The following CADM2 variants were observed in gnomAD, a reference collection of about 807,000 sequenced individuals.
CADM2 encodes immunoglobulin superfamily member 4D.
In CADM2, 12 loss-of-function variants were observed where a neutral mutation model predicts 49.8. The observed-to-expected ratio is 0.24, with a 90% CI of 0.15 to 0.39. The LOEUF (loss-of-function observed/expected upper bound fraction) is 0.39, where lower values mean the gene tolerates loss of function less well. Among genes scored for constraint, CADM2 ranks in the 10% least tolerant of loss-of-function variants. CADM2 has a pLI of 1.00. For synonymous variants in CADM2, 214 were observed against 175.4 expected (o/e 1.22, Z -1.74); for missense variants, 378 against 492.3 (o/e 0.77, Z 2.20).
intron 1 of CADM2, among the ~76,000 whole-genome samples, chr3:85,715,431 A>T (rs2107749323): frequency 6.6e-6 from 1 of 152,376 alleles, no homozygotes; most frequent in African/African-American, 2.4e-5. Flanking sequence ...TAATTAGAAC[A>T]AAACATTAGA....
intron 1 of CADM2, among the ~76,000 whole-genome samples, chr3:85,217,771 A>G (rs866037380): frequency 1.3e-5 from 2 of 152,112 alleles, no homozygotes; most frequent in South Asian, 2.1e-4. Flanking sequence ...ACCCCATAAG[A>G]AACTGGGTTT....
At chr3:85,763,248 G>A (rs1485680934) in intron 2 of CADM2, among the ~76,000 whole-genome samples, 3 of 152,060 alleles carry the variant, frequency 2.0e-5, no homozygotes, top group Non-Finnish European at 2.9e-5. Context: ...GGGCAGGAAG[G>A]GATTCCAACT....
At chr3:85,703,661 A>G (rs1186082068) in intron 1 of CADM2, among the ~76,000 whole-genome samples, 1 of 152,198 alleles carries the variant, frequency 6.6e-6, no homozygotes, top group Non-Finnish European at 1.5e-5. Context: ...CATAAAACCT[A>G]GTTACCAGGT....
At chr3:85,636,268 C>A (rs1167941430) in intron 1 of CADM2, among the ~76,000 whole-genome samples, 4 of 152,040 alleles carry the variant, frequency 2.6e-5, no homozygotes, top group African/African-American at 9.7e-5. Context: ...CACTGATGAT[C>A]CTGACCCTGT....
At chr3:85,667,620 GTC>G (rs1403459388) in intron 1 of CADM2, among the ~76,000 whole-genome samples, 5 of 151,974 alleles carry the variant, frequency 3.3e-5, no homozygotes, top group Non-Finnish European at 7.4e-5. Context: ...AAATCCAGAT[GTC>G]TCTCTGAATT....
At chr3:85,678,975 C>T (rs769858209) in intron 1 of CADM2, among the ~76,000 whole-genome samples, 2 of 152,062 alleles carry the variant, frequency 1.3e-5, no homozygotes, top group Non-Finnish European at 2.9e-5. Flanking sequence ...TCTGGCAATA[C>T]ATGTCAAGAG....
At chr3:86,047,908 A>G (rs1292552881) in intron 8 of CADM2, among the ~76,000 whole-genome samples, 1 of 152,148 alleles carries the variant, frequency 6.6e-6, no homozygotes, top group African/African-American at 2.4e-5. Context: ...GAAGAGGAAG[A>G]TATCGCAAAG....
At chr3:86,052,874 A>C (rs1250886677) in intron 8 of CADM2, among the ~76,000 whole-genome samples, 1 of 152,124 alleles carries the variant, frequency 6.6e-6, no homozygotes. Flanking sequence ...CTTTTTGGAA[A>C]ACTAAAGTGT....
intron 3 of CADM2, among the ~76,000 whole-genome samples, chr3:85,846,041 A>C (rs1389838558): frequency 6.6e-6 from 1 of 152,094 alleles, no homozygotes; most frequent in Non-Finnish European, 1.5e-5. Context: ...TAAAAGAAAG[A>C]AAGCACAGGC....
intron 1 of CADM2, among the ~76,000 whole-genome samples, chr3:85,276,812 A>G (rs1241882393): frequency 6.6e-6 from 1 of 151,280 alleles, no homozygotes; most frequent in African/African-American, 2.4e-5. Flanking sequence ...ATGCCCAGGG[A>G]TATTGGACAG....
chr3:85,992,004 T>A (rs1023403231), intron 8 of CADM2, among the ~76,000 whole-genome samples: 1 of 151,908 alleles, frequency 6.6e-6, no homozygotes, highest in Non-Finnish European at 1.5e-5. Context: ...CTAAACATAT[T>A]CAAGATTAGG....
At chr3:86,037,228 C>T (rs12491890) in intron 8 of CADM2, among the ~76,000 whole-genome samples, 8,770 of 152,202 alleles carry the variant, frequency 0.058, 358 homozygotes, top group Middle Eastern at 0.13. Flanking sequence ...AAATCACCTC[C>T]TTGCCCCCAT....
chr3:85,112,262 G>T (rs2107572083), intron 1 of CADM2, among the ~76,000 whole-genome samples: 1 of 151,730 alleles, frequency 6.6e-6, no homozygotes, highest in East Asian at 1.9e-4. Flanking sequence ...TAAACATGCT[G>T]CCCAGTATGT....
At chr3:85,192,102 T>TAA (rs547301494) in intron 1 of CADM2, among the ~76,000 whole-genome samples, 2 of 147,316 alleles carry the variant, frequency 1.4e-5, no homozygotes, top group South Asian at 4.3e-4. Flanking sequence ...TCATTCATAG[T>TAA]AAAAAAAAAA....
At chr3:85,155,812 T>C (rs927296634) in intron 1 of CADM2, among the ~76,000 whole-genome samples, 2 of 152,042 alleles carry the variant, frequency 1.3e-5, no homozygotes, top group Non-Finnish European at 2.9e-5. Context: ...AACTACATGG[T>C]AATTGAACAA....
intron 1 of CADM2, among the ~76,000 whole-genome samples, chr3:85,324,875 T>A (rs766556910): frequency 2.6e-5 from 4 of 152,178 alleles, no homozygotes; most frequent in Non-Finnish European, 5.9e-5. Context: ...AGCTGCAGTG[T>A]CATAGTCTCA....
chr3:85,341,629 G>A lies in CADM2; in HGVS notation c.61+381961G>A, dbSNP rs1404392875. Among the ~76,000 whole-genome samples the A allele has an allele frequency of 3.3e-5, 5 of 151,982 alleles. No homozygotes were observed. The South Asian group carries it at 1.0e-3, about 32-fold the overall frequency. ...TTAAAAATGAACTAGAGTGCAGCAA[G>A]CCACCATGGCACAGGTATACCTATG... is the stretch of plus-strand genomic sequence containing the variant. On this transcript the variant is annotated intron_variant, in intron 1 of 9. Transcript: ENST00000383699.
intron 1 of CADM2, chr3:85,511,935 G>T: frequency 1.2e-6 from 1 of 867,960 alleles, no homozygotes; most frequent in Non-Finnish European, 1.4e-6. Context: ...ATATCTTATA[G>T]CAATGTTCAA....
chr3:85,737,807 C>T (rs1005800134), intron 2 of CADM2, among the ~76,000 whole-genome samples: 4 of 152,212 alleles, frequency 2.6e-5, no homozygotes, highest in East Asian at 1.9e-4. Flanking sequence ...ATCTGCCCGC[C>T]GCTGCCTCCC....
Sources: allele counts gnomAD v4.1 joint callset (sites outside exome capture counted in the v4.1 genomes callset), GRCh38; gene constraint gnomAD v4.1.1; transcripts MANE v1.5; gene names NCBI Gene and HGNC (gene_info 2026-07-23, HGNC 2026-07-21).